TXNDC11: variants seen among roughly 807,000 people sequenced by gnomAD.
TXNDC11 encodes the protein thioredoxin domain containing 11.
TXNDC11 carries 68 observed loss-of-function variants against 78.0 expected under a neutral mutation model. The observed-to-expected ratio is 0.87, with a 90% CI of 0.72 to 1.07. The LOEUF (loss-of-function observed/expected upper bound fraction) is 1.07, where lower values mean the gene tolerates loss of function less well. TXNDC11 is among the 50% of genes least tolerant of loss of function. The pLI is 0.00. For synonymous variants in TXNDC11, 571 were observed against 495.2 expected (o/e 1.15, Z -2.03); for missense variants, 1,389 against 1,221.8 (o/e 1.14, Z -2.04).
intron 4 of TXNDC11, 79 bp from the exon 5 acceptor site, chr16:11,721,749 T>C: frequency 1.3e-6 from 1 of 749,002 alleles, no homozygotes; most frequent in Non-Finnish European, 2.2e-6. Flanking sequence ...AAGCAAGACA[T>C]ATTACAATTT....
chr16:11,731,687 TCACACA>T (rs34570874), intron 3 of TXNDC11, among the ~76,000 whole-genome samples: 90 of 143,758 alleles, frequency 6.3e-4, no homozygotes, highest in African/African-American at 8.1e-4. Context: ...TTACAGAAAT[TCACACA>T]CACACACACA....
At chr16:11,741,451 A>G (rs908689783) in intron 1 of TXNDC11, among the ~76,000 whole-genome samples, 9 of 152,056 alleles carry the variant, frequency 5.9e-5, no homozygotes, top group Admixed American at 5.2e-4. Flanking sequence ...CTTTTTATCA[A>G]TTCCAGGGAA....
chr16:11,730,943 G>A (rs2052027125), intron 3 of TXNDC11, among the ~76,000 whole-genome samples, 169 bp from the exon 4 acceptor site: 1 of 152,106 alleles, frequency 6.6e-6, no homozygotes, highest in South Asian at 2.1e-4. Context: ...GGTGACCAGA[G>A]AATTAAGAAC....
intron 1 of TXNDC11, among the ~76,000 whole-genome samples, chr16:11,737,699 T>A (rs2052266432): frequency 6.6e-6 from 1 of 150,794 alleles, no homozygotes; most frequent in Admixed American, 6.6e-5. Context: ...CCATCTCTAC[T>A]GAAAAAAATA....
chr16:11,732,880 G>C (rs901612288), intron 3 of TXNDC11, among the ~76,000 whole-genome samples: 1 of 152,078 alleles, frequency 6.6e-6, no homozygotes, highest in Non-Finnish European at 1.5e-5. Context: ...AAAAAGGAAA[G>C]CTCTCTACTG....
chr16:11,710,454 T>C (rs987829716), intron 5 of TXNDC11, among the ~76,000 whole-genome samples: 5 of 152,132 alleles, frequency 3.3e-5, no homozygotes, highest in Non-Finnish European at 5.9e-5. Flanking sequence ...CCCTTACAGA[T>C]AACTAGGGCA....
At chr16:11,712,649 T>C (rs190571343) in intron 5 of TXNDC11, among the ~76,000 whole-genome samples, 109 of 152,308 alleles carry the variant, frequency 7.2e-4, no homozygotes, top group African/African-American at 2.5e-3. Context: ...TTCTTATTTA[T>C]AAGACTTAAG....
At chr16:11,714,416 G>A (rs2051463138) in intron 5 of TXNDC11, among the ~76,000 whole-genome samples, 1 of 152,190 alleles carries the variant, frequency 6.6e-6, no homozygotes, top group Non-Finnish European at 1.5e-5. Flanking sequence ...CGAGGTGGGC[G>A]GATCACGAGG....
rs1473895088 is a variant in TXNDC11, at chr16:11,691,549, G to T, written c.1641C>A (p.Ser547Arg). The T allele has an allele frequency of 1.2e-6, 2 of 1,614,238 alleles. No homozygotes were observed. The highest frequency in any genetic ancestry group is 2.7e-5 in the African/African-American group (2 of 75,072). The change falls in exon 8 of 12, where the codon AGC becomes AGA. Residue 547 changes from serine to arginine, a missense_variant. By Grantham distance (110) the Ser-to-Arg change is moderately radical (BLOSUM62 -1). Transcript: ENST00000283033. ...TGTTCTCCTCAATGTGAGGAACGGA[G>T]CTTGGGGCATCAACCTCACATTTCT... ...LEKKCEVDAPSSVPHIEENRY... is the reference protein window; with the variant it reads ...LEKKCEVDAPRSVPHIEENRY...
intron 2 of TXNDC11, 69 bp from the exon 3 acceptor site, chr16:11,734,148 T>A (rs979484185): frequency 1.9e-6 from 2 of 1,071,680 alleles, no homozygotes; most frequent in Non-Finnish European, 1.4e-6. Context: ...ATTTAAAAGA[T>A]GAAATTTAAA....
At chr16:11,715,354 T>C (rs920819040) in intron 5 of TXNDC11, among the ~76,000 whole-genome samples, 1 of 152,008 alleles carries the variant, frequency 6.6e-6, no homozygotes, top group African/African-American at 2.4e-5. Context: ...TGCACACCTG[T>C]AGTTCTAGCT....
At chr16:11,742,210 A>G (rs879162537) in intron 1 of TXNDC11, 1 of 411,946 alleles carries the variant, frequency 2.4e-6, no homozygotes, top group Non-Finnish European at 4.3e-6. Flanking sequence ...ACAGGTGAGG[A>G]GCACCCCCGA....
At chr16:11,715,216 AAAAACAAAAC>A (rs577849932) in intron 5 of TXNDC11, among the ~76,000 whole-genome samples, 5 of 152,188 alleles carry the variant, frequency 3.3e-5, no homozygotes, top group African/African-American at 7.2e-5. Context: ...CGGATGTCTC[AAAAACAAAAC>A]AAAACAAAAC....
intron 2 of TXNDC11, 108 bp downstream of exon 2, chr16:11,735,909 T>C: frequency 9.8e-7 from 1 of 1,016,722 alleles, no homozygotes; most frequent in Non-Finnish European, 1.5e-6. Flanking sequence ...ACTCCTGGAG[T>C]TCACCTTGGC....
chr16:11,732,224 T>C (rs2052077386), intron 3 of TXNDC11, among the ~76,000 whole-genome samples: 1 of 152,206 alleles, frequency 6.6e-6, no homozygotes, highest in Non-Finnish European at 1.5e-5. Flanking sequence ...ATAGTATATA[T>C]ATGACAATAC....
At position 11,735,999 on chromosome 16, in the gene TXNDC11, G is replaced by A; in HGVS notation, c.471+18C>T. Reference sequence around the variant, plus strand: ...GGACTGACAGTCATTTGATTCTTAAGCTGAATGTGAGCATTACCTGATCTG... The same window carrying A: ...GGACTGACAGTCATTTGATTCTTAAACTGAATGTGAGCATTACCTGATCTG... On this transcript the variant is annotated intron_variant, in intron 2 of 11. Transcript: ENST00000283033. 1.9e-6 allele frequency: 3 copies of A among 1,611,362 alleles called. No homozygotes were observed. The highest frequency in any genetic ancestry group is 1.1e-5 in the South Asian group (1 of 90,982).
At position 11,680,127 on chromosome 16, in the gene TXNDC11, A is replaced by C. The variant is rs1029398264; in HGVS notation, c.2235-290T>G. 2.0e-5 allele frequency among the ~76,000 whole-genome samples: 3 copies of C among 152,320 alleles called. No homozygotes were observed. In the South Asian group the frequency reaches 6.2e-4, roughly 32 times the overall value. ...CAAGAGCTCCTAGGCCCAGGCCTAA[A>C]GCCAGTGATGCAGGGCCCCAGGAGT... On this transcript the variant is annotated intron_variant, in intron 11 of 11. Transcript: ENST00000283033.
chr16:11,683,253 G>A (rs2050477088), intron 11 of TXNDC11, among the ~76,000 whole-genome samples: 1 of 152,184 alleles, frequency 6.6e-6, no homozygotes, highest in African/African-American at 2.4e-5. Context: ...AGGGGCTTCC[G>A]GGGTAGTTGC....
At position 11,691,961 on chromosome 16, in the gene TXNDC11, G is replaced by A. The variant is rs545239299; in HGVS notation, c.1229C>T (p.Ala410Val). 3.1e-6 allele frequency: 5 copies of A among 1,609,496 alleles called. No individual in the cohort carries two copies. Among genetic ancestry groups the A allele is most frequent in the Admixed American group, 1.7e-5 (1 of 59,872 alleles). ...VLESLALEVPAQLPDPPTITA... is the reference protein window; with the variant it reads ...VLESLALEVPVQLPDPPTITA... ...GATCGTTGGCGGGTCTGGCAGCTGTGCCGGCACTTCCAGGGCCAGGGACTC... is the reference window on the plus strand; with the variant it reads ...GATCGTTGGCGGGTCTGGCAGCTGTACCGGCACTTCCAGGGCCAGGGACTC... The change falls in exon 8 of 12, where the codon GCA becomes GTA. Residue 410 changes from alanine (A) to valine (V), a missense_variant. Physicochemically the swap from Ala to Val is moderately conservative, Grantham distance 64. Coordinates refer to ENST00000283033, the MANE Select transcript of TXNDC11 (RefSeq NM_015914.7).
Sources: gnomAD v4.1 joint callset for allele counts (sites outside exome capture counted in the v4.1 genomes callset) on GRCh38, gnomAD v4.1.1 for gene constraint, MANE v1.5 for transcripts, NCBI Gene and HGNC (gene_info 2026-07-23, HGNC 2026-07-21) for gene names.